The following PDE3B variants were observed in gnomAD, a reference collection of about 807,000 sequenced individuals.
The protein encoded by PDE3B is cGMP-inhibited 3',5'-cyclic phosphodiesterase 3B.
A neutral mutation model predicts 116.8 loss-of-function variants in PDE3B; 66 were observed. The ratio of observed to expected loss-of-function variants is 0.56; its 90% CI spans 0.46 to 0.69. PDE3B has a LOEUF of 0.69. PDE3B is among the 30% of genes least tolerant of loss of function. The pLI is 0.00. For synonymous variants in PDE3B, 595 were observed against 533.6 expected (o/e 1.12, Z -1.59); for missense variants, 1,384 against 1,368.1 (o/e 1.01, Z -0.18).
rs1847999763 is a variant in PDE3B at position 14,864,128 on chromosome 11, A to G, written c.2886+2762A>G. On this transcript the variant is annotated intron_variant, in intron 14 of 15. Transcript: ENST00000282096. ...AGAAAGATTTACCCAGCAAATGGAA[A>G]GCGAAAAAAAAGCAGGGGTTGCAAT... Among the ~76,000 whole-genome samples the G allele has an allele frequency of 2.0e-5, 3 of 152,208 alleles. No homozygotes were observed. The South Asian group carries it at 6.2e-4, about 31-fold the overall frequency.
chr11:14,846,321 A>G (rs1415439369), intron 12 of PDE3B, among the ~76,000 whole-genome samples: 1 of 152,196 alleles, frequency 6.6e-6, no homozygotes, highest in Non-Finnish European at 1.5e-5. Context: ...GCCTGCCCTA[A>G]AAGAGCTCCT....
At chr11:14,739,532 A>G (rs1214244610) in intron 1 of PDE3B, among the ~76,000 whole-genome samples, 1 of 152,176 alleles carries the variant, frequency 6.6e-6, no homozygotes, top group Non-Finnish European at 1.5e-5. Flanking sequence ...TAGATATGGA[A>G]TCATGTCATC....
In PDE3B at chr11:14,782,290, C is replaced by A. The variant is rs538270445; in HGVS notation, c.1030-4147C>A. Among the ~76,000 whole-genome samples, 4 of 152,278 alleles carry A rather than the reference C, an allele frequency of 2.6e-5. No individual in the cohort carries two copies. The East Asian group carries it at 7.7e-4, about 29-fold the overall frequency. On this transcript the variant is annotated intron_variant, in intron 2 of 15. Coordinates refer to ENST00000282096, the MANE Select transcript of PDE3B (RefSeq NM_000922.4). ...AGTTCATGTGGAACCAAAAAAGAGC[C>A]CACATTGCCAAGACAATCCTAAGCC...
At chr11:14,654,241 C>G (rs1257589350) in intron 1 of PDE3B, among the ~76,000 whole-genome samples, 3 of 151,966 alleles carry the variant, frequency 2.0e-5, no homozygotes, top group African/African-American at 7.3e-5. Context: ...TTAAAAGAAA[C>G]CCATACATTA....
chr11:14,772,923 ATTTAT>A (rs1043088334), intron 2 of PDE3B: 2 of 151,914 alleles, frequency 1.3e-5, no homozygotes, highest in African/African-American at 4.8e-5. Context: ...ATAAAGACAG[ATTTAT>A]TTATTTATTT....
intron 12 of PDE3B, among the ~76,000 whole-genome samples, chr11:14,854,915 C>A (rs1469302651): frequency 2.0e-5 from 3 of 151,530 alleles, no homozygotes; most frequent in African/African-American, 7.3e-5. Context: ...GAATAACTGT[C>A]ACAGGGAGAA....
the PDE3B span, among the ~76,000 whole-genome samples, chr11:14,881,410 G>T: frequency 1.3e-5 from 2 of 152,056 alleles, no homozygotes; most frequent in African/African-American, 4.8e-5. Flanking sequence ...TTTTGATGTT[G>T]CTACTATTGA....
intron 1 of PDE3B, among the ~76,000 whole-genome samples, chr11:14,654,829 C>G (rs867951174): frequency 3.5e-4 from 50 of 144,578 alleles, no homozygotes; most frequent in African/African-American, 1.1e-3. Context: ...CACACACACA[C>G]ACAGAGCTAG....
chr11:14,890,240 T>C, the PDE3B span, among the ~76,000 whole-genome samples: 18 of 151,830 alleles, frequency 1.2e-4, no homozygotes, highest in Admixed American at 9.2e-4. Flanking sequence ...AGACTCAGAA[T>C]AGAGGTCAAG....
At chr11:14,875,488 T>C (rs944057356), downstream of PDE3B, among the ~76,000 whole-genome samples, 1 of 152,308 alleles carries the variant, frequency 6.6e-6, no homozygotes, top group Non-Finnish European at 1.5e-5. Flanking sequence ...GTTAGTAGCT[T>C]AGCACTGACT....
At chr11:14,878,855 A>G in the PDE3B span, among the ~76,000 whole-genome samples, 1 of 152,096 alleles carries the variant, frequency 6.6e-6, no homozygotes, top group African/African-American at 2.4e-5. Flanking sequence ...TTCTCATTCC[A>G]CAAGTTTTGA....
At chr11:14,704,083 A>G (rs1043897857) in intron 1 of PDE3B, among the ~76,000 whole-genome samples, 6 of 151,806 alleles carry the variant, frequency 4.0e-5, no homozygotes, top group Non-Finnish European at 8.9e-5. Context: ...TTAGGTCTAT[A>G]GATTTAACAA....
At chr11:14,879,398 TTC>T in the PDE3B span, 1 of 1,607,764 alleles carries the variant, frequency 6.2e-7, no homozygotes, top group Non-Finnish European at 8.5e-7. Context: ...CCAAGAAGGC[TTC>T]CCATTAGGGC....
At chr11:14,711,872 T>C (rs929402513) in intron 1 of PDE3B, among the ~76,000 whole-genome samples, 6 of 152,226 alleles carry the variant, frequency 3.9e-5, no homozygotes, top group African/African-American at 1.4e-4. Flanking sequence ...CCGTATTCAC[T>C]TGGAAGTTTG....
At chr11:14,685,637 G>T (rs900681158) in intron 1 of PDE3B, among the ~76,000 whole-genome samples, 1 of 151,592 alleles carries the variant, frequency 6.6e-6, no homozygotes, top group African/African-American at 2.4e-5. Flanking sequence ...TGTATTTTTA[G>T]TAGAGACAGG....
chr11:14,795,886 A>ATTT (rs1471058564), intron 4 of PDE3B, among the ~76,000 whole-genome samples: 12 of 152,054 alleles, frequency 7.9e-5, no homozygotes, highest in Non-Finnish European at 1.8e-4. Context: ...TATTATTATT[A>ATTT]TCATTATACT....
In PDE3B at chr11:14,723,978, A is replaced by G. The variant is rs555919824; in HGVS notation, c.979-47959A>G. 9.2e-5 allele frequency among the ~76,000 whole-genome samples: 14 copies of G among 152,318 alleles called. No homozygotes were observed. The South Asian group carries it at 1.5e-3, about 16-fold the overall frequency. ...TAAGGGAAGCTATCGAAAAGTTTTT[A>G]ACAGATATTATGTTAAGGTTTTCTT... On this transcript the variant is annotated intron_variant, in intron 1 of 15. Transcript: ENST00000282096.
At chr11:14,848,579 T>A (rs1032501605) in intron 12 of PDE3B, among the ~76,000 whole-genome samples, 1 of 152,096 alleles carries the variant, frequency 6.6e-6, no homozygotes, top group African/African-American at 2.4e-5. Context: ...TGATTGTATA[T>A]CTAGAAAACC....
At chr11:14,723,709 C>G (rs750665034) in intron 1 of PDE3B, among the ~76,000 whole-genome samples, 1 of 151,750 alleles carries the variant, frequency 6.6e-6, no homozygotes, top group Non-Finnish European at 1.5e-5. Flanking sequence ...TACAAGTGAG[C>G]TATGATTGGG....
Sources: allele counts gnomAD v4.1 joint callset (sites outside exome capture counted in the v4.1 genomes callset), GRCh38; gene constraint gnomAD v4.1.1; transcripts MANE v1.5; gene names NCBI Gene and HGNC (gene_info 2026-07-23, HGNC 2026-07-21).